The following MISP variants were observed in gnomAD, a reference collection of about 807,000 sequenced individuals.
The protein encoded by MISP is mitotic spindle positioning, also known as mitotic interactor and substrate of PLK1.
Under a neutral mutation model 49.3 loss-of-function variants are expected in MISP, and 51 were observed. The observed-to-expected ratio is 1.03, with a 90% confidence interval of 0.83 to 1.31. MISP has a LOEUF of 1.31. MISP is among the 50% of genes most tolerant of loss of function. MISP has a pLI of 0.00. For synonymous variants in MISP, 444 were observed against 392.6 expected (o/e 1.13, Z -1.55); for missense variants, 1,084 against 935.1 (o/e 1.16, Z -2.08).
rs1331665668 is a variant in MISP, at chr19:758,345, C to T, written c.1399C>T (p.Pro467Ser). ...GACTTCACCAAAGGCCACGATGTCC[C>T]CGAGGCATCTCTCAGAATCCTCTGG... ...AATSPKATMS[P>S]RHLSESSGKP... is the part of the protein sequence containing the mutation. The change falls in exon 2 of 5, where the codon CCG becomes TCG. Residue 467 changes from proline (P) to serine (S), a missense_variant. Coordinates refer to ENST00000215582, the MANE Select transcript of MISP (RefSeq NM_173481.4). The T allele has an allele frequency of 1.2e-6, 2 of 1,614,166 alleles. No homozygotes were observed. The highest frequency in any genetic ancestry group is 4.5e-5 in the East Asian group (2 of 44,884).
intron 3 of MISP, among the ~76,000 whole-genome samples, chr19:761,085 C>CTTT (rs557194356): frequency 3.8e-4 from 35 of 92,796 alleles, no homozygotes; most frequent in Non-Finnish European, 4.8e-4. Flanking sequence ...ATATTATGTC[C>CTTT]TTTTTTTTTT....
chr19:755,678 T>A (rs1170328999), intron 1 of MISP, among the ~76,000 whole-genome samples: 1 of 152,138 alleles, frequency 6.6e-6, no homozygotes, highest in African/African-American at 2.4e-5. Context: ...ACGCCTGTAA[T>A]TCCAGCACTT....
At position 757,533 on chromosome 19, in the gene MISP, C is replaced by T. The variant is rs368732999; in HGVS notation, c.587C>T (p.Ala196Val). ...VDREQIDFLA[A>V]RQQFLSLEQA... ...AGGGAGCAGATTGACTTCCTGGCAG[C>T]GAGACAGCAGTTCCTGAGTCTGGAG... is the stretch of plus-strand genomic sequence containing the variant. The change falls in exon 2 of 5, where the codon GCG (alanine) becomes GTG (valine). Residue 196 changes from alanine to valine, a missense_variant. Coordinates refer to ENST00000215582, the MANE Select transcript of MISP (RefSeq NM_173481.4). 1.9e-5 allele frequency: 30 copies of T among 1,611,090 alleles called. No homozygotes were observed. In the East Asian group the frequency reaches 2.0e-4, roughly 11 times the overall value.
At position 757,142 on chromosome 19, in the gene MISP, G is replaced by T. The variant is rs2033563237; in HGVS notation, c.196G>T (p.Val66Leu). 11 of 1,613,214 alleles carry T rather than the reference G, an allele frequency of 6.8e-6. No individual in the cohort carries two copies. The highest frequency in any genetic ancestry group is 1.7e-5 in the Admixed American group (1 of 60,010). Residue 66 changes from valine to leucine, a missense_variant, in exon 2 of 5, where the codon GTG (valine) becomes TTG (leucine). Coordinates refer to ENST00000215582, the MANE Select transcript of MISP (RefSeq NM_173481.4). ...RAQQGVQRQGVSYSVHAYTGQ... is the reference protein window; with the variant it reads ...RAQQGVQRQGLSYSVHAYTGQ... ...CCAGCAGGGCGTGCAGAGGCAGGGGGTGTCCTACAGCGTGCATGCCTACAC... is the reference window on the plus strand; with the variant it reads ...CCAGCAGGGCGTGCAGAGGCAGGGGTTGTCCTACAGCGTGCATGCCTACAC...
chr19:751,959 G>A (rs1437254463), intron 1 of MISP, among the ~76,000 whole-genome samples: 1 of 152,198 alleles, frequency 6.6e-6, no homozygotes, highest in Non-Finnish European at 1.5e-5. Context: ...TGTGGCACCA[G>A]GGTCCATAAA....
In MISP at chr19:757,996, C is replaced by G. The variant is rs546828060; in HGVS notation, c.1050C>G (p.Tyr350Ter). 6.3e-7 allele frequency: 1 copy of G among 1,575,958 alleles called. No homozygotes were observed. The highest frequency in any genetic ancestry group is 1.2e-5 in the South Asian group (1 of 86,856). ...PRRERGRPSL[Y>*]VQRDIVQETQ... ...GGGAGAGAGGGCGCCCGTCCCTCTA[C>G]GTGCAGCGGGACATAGTACAGGAGA... Residue 350 changes from tyrosine to a stop codon, truncating the protein, a stop_gained, in exon 2 of 5, where the codon TAC (tyrosine) becomes TAG (stop). Transcript: ENST00000215582. LOFTEE classifies it high-confidence loss of function.
chr19:757,855 T>G lies in MISP; in HGVS notation c.909T>G (p.Arg303=). 1 of 1,611,116 alleles carries G rather than the reference T, an allele frequency of 6.2e-7. No individual in the cohort carries two copies. Among genetic ancestry groups the G allele is most frequent in the African/African-American group, 1.3e-5 (1 of 74,922 alleles). ...IEREIRLAQE[R]EADLREQRGL... ...GGGAGATCCGTCTGGCTCAGGAGCG[T>G]GAGGCAGACCTGCGAGAGCAGAGGG... is the stretch of plus-strand genomic sequence containing the variant. Residue 303 remains arginine (R), a synonymous_variant, in exon 2 of 5, where the codon CGT becomes CGG. Transcript: ENST00000215582.
chr19:753,950 T>A (rs17604219), intron 1 of MISP, among the ~76,000 whole-genome samples: 27,646 of 152,148 alleles, frequency 0.18, 3,075 homozygotes, highest in Middle Eastern at 0.27. Flanking sequence ...CCGACAGTGC[T>A]TTTTTTAGGA....
intron 1 of MISP, among the ~76,000 whole-genome samples, chr19:756,050 C>T (rs892670641): frequency 7.9e-5 from 12 of 152,148 alleles, no homozygotes; most frequent in Admixed American, 5.2e-4. Flanking sequence ...ACATATAATG[C>T]GAGTTGTTGG....
chr19:754,559 G>A (rs1057366488), intron 1 of MISP, among the ~76,000 whole-genome samples: 6 of 152,204 alleles, frequency 3.9e-5, no homozygotes, highest in Non-Finnish European at 7.3e-5. Flanking sequence ...CCCGGGAGGT[G>A]GAGATTGCAG....
chr19:763,722 A>G lies in MISP; in HGVS notation c.*132A>G, dbSNP rs544140107. On this transcript the variant is annotated 3_prime_UTR_variant, in exon 5 of 5. Coordinates refer to ENST00000215582, the MANE Select transcript of MISP (RefSeq NM_173481.4). ...CAAGAACCACAGCTCATCTGCCAACAATCCCACCATGGGCACATTTGGGAC... is the reference window on the plus strand; with the variant it reads ...CAAGAACCACAGCTCATCTGCCAACGATCCCACCATGGGCACATTTGGGAC... The G allele has an allele frequency of 1.5e-6, 1 of 651,872 alleles. No homozygotes were observed. The highest frequency in any genetic ancestry group is 2.8e-5 in the East Asian group (1 of 36,312). 40.4% of individuals were successfully genotyped at this position (651,872 alleles called of 1,614,324 possible).
At position 758,489 on chromosome 19, in the gene MISP, G is replaced by T. The variant is rs746769681; in HGVS notation, c.1543G>T (p.Asp515Tyr). ...RLRPLRFRAP[D>Y]EPQQAQVPHV... ...GCGTCCTCTGCGGTTCAGGGCCCCA[G>T]ACGAGCCCCAGCAGGCCCAAGTCCC... is the stretch of plus-strand genomic sequence containing the variant. The change falls in exon 2 of 5, where the codon GAC (aspartate) becomes TAC (tyrosine). Residue 515 changes from aspartate to tyrosine, a missense_variant. Coordinates refer to ENST00000215582, the MANE Select transcript of MISP (RefSeq NM_173481.4). 1 of 1,614,116 alleles carries T rather than the reference G, an allele frequency of 6.2e-7. No individual in the cohort carries two copies. The highest frequency in any genetic ancestry group is 8.5e-7 in the Non-Finnish European group (1 of 1,179,992).
chr19:754,584 G>A (rs564335183), intron 1 of MISP, among the ~76,000 whole-genome samples: 8 of 152,372 alleles, frequency 5.3e-5, no homozygotes, highest in Admixed American at 1.3e-4. Flanking sequence ...CTGAGATCAC[G>A]CTACCGCAGT....
intron 4 of MISP, among the ~76,000 whole-genome samples, chr19:762,337 C>A (rs2033686704): frequency 6.6e-6 from 1 of 151,638 alleles, no homozygotes; most frequent in African/African-American, 2.4e-5. Flanking sequence ...ACTGCAACTT[C>A]CGCCTTTCAG....
intron 3 of MISP, 26 bp from the exon 4 acceptor site, chr19:761,599 G>A: frequency 6.2e-7 from 1 of 1,614,004 alleles, no homozygotes; most frequent in Non-Finnish European, 8.5e-7. Context: ...GAAAGGCCTG[G>A]GCTGACTTGT....
intron 1 of MISP, among the ~76,000 whole-genome samples, chr19:751,566 C>A (rs778730204): frequency 2.0e-4 from 30 of 152,204 alleles, no homozygotes; most frequent in African/African-American, 5.8e-4. Flanking sequence ...CTTATCCGTC[C>A]CACCAGGCCC....
chr19:754,412 G>A (rs957344141), intron 1 of MISP, among the ~76,000 whole-genome samples: 3 of 152,066 alleles, frequency 2.0e-5, no homozygotes, highest in Non-Finnish European at 2.9e-5. Flanking sequence ...GCAGGGAGCC[G>A]AGATCGCGCC....
At chr19:761,852 A>G (rs1260605770) in intron 4 of MISP, among the ~76,000 whole-genome samples, 189 bp downstream of exon 4, 1 of 152,176 alleles carries the variant, frequency 6.6e-6, no homozygotes, top group Non-Finnish European at 1.5e-5. Context: ...GGCATGGATT[A>G]GGAGAAGAGG....
chr19:763,083 A>T (rs2033699801), intron 4 of MISP, among the ~76,000 whole-genome samples: 1 of 152,104 alleles, frequency 6.6e-6, no homozygotes, highest in South Asian at 2.1e-4. Context: ...AGGTCAGGAG[A>T]TCGAGACCAT....
Sources: allele counts gnomAD v4.1 joint callset (sites outside exome capture counted in the v4.1 genomes callset), GRCh38; gene constraint gnomAD v4.1.1; transcripts MANE v1.5; gene names NCBI Gene and HGNC (gene_info 2026-07-23, HGNC 2026-07-21).